CCDC85A: variants seen among roughly 807,000 people sequenced by gnomAD.
The protein encoded by CCDC85A is coiled-coil domain containing 85A.
In CCDC85A, 38 loss-of-function variants were observed where a neutral mutation model predicts 50.2. The observed-to-expected ratio is 0.76, with a 90% confidence interval of 0.58 to 0.99. CCDC85A has a LOEUF of 0.99. Ranked by LOEUF, CCDC85A falls within the 50% of genes least tolerant of loss-of-function variation. The pLI is 0.00. For synonymous variants in CCDC85A, 366 were observed against 301.4 expected, an observed-to-expected ratio of 1.21 and a Z score of -2.22; for missense variants, 820 against 742.0, an observed-to-expected ratio of 1.11 and a Z score of -1.22.
Position 56,375,855 on chromosome 2 carries a change from A to T in CCDC85A, c.1492A>T (p.Ser498Cys), listed in dbSNP as rs1197377144. 2 of 1,613,674 alleles carry T rather than the reference A, an allele frequency of 1.2e-6. No homozygotes were observed. The highest frequency in any genetic ancestry group is 1.3e-5 in the African/African-American group (1 of 74,920). The change falls in exon 5 of 6, where the codon AGT becomes TGT. Residue 498 changes from serine (S) to cysteine (C), a missense_variant. Transcript: ENST00000407595. Reference sequence around the variant, plus strand: ...GTCATCAGGGGCTGATGGGAGTAACAGTTCACCCAACTCTGCAGCTAGCTT... The same window carrying T: ...GTCATCAGGGGCTGATGGGAGTAACTGTTCACCCAACTCTGCAGCTAGCTT... ...RLSSGADGSN[S>C]SPNSAASFSG...
At chr2:56,190,806 C>T (rs180977929) in intron 1 of CCDC85A, among the ~76,000 whole-genome samples, 1 of 152,284 alleles carries the variant, frequency 6.6e-6, no homozygotes, top group African/African-American at 2.4e-5. Flanking sequence ...CTTGCAGCTT[C>T]CACTTTATCC....
At chr2:56,307,337 T>A (rs1044251926) in intron 2 of CCDC85A, among the ~76,000 whole-genome samples, 41 of 151,474 alleles carry the variant, frequency 2.7e-4, no homozygotes, top group South Asian at 8.3e-4. Flanking sequence ...ATGCTTTTTT[T>A]AAAAAAAAAC....
At chr2:56,300,200 C>G (rs1672137222) in intron 2 of CCDC85A, among the ~76,000 whole-genome samples, 1 of 152,076 alleles carries the variant, frequency 6.6e-6, no homozygotes, top group Non-Finnish European at 1.5e-5. Flanking sequence ...AGGGACACAG[C>G]CCTCCTATGG....
chr2:56,264,795 C>T (rs1293741396), intron 2 of CCDC85A, among the ~76,000 whole-genome samples: 1 of 152,188 alleles, frequency 6.6e-6, no homozygotes, highest in Non-Finnish European at 1.5e-5. Flanking sequence ...GCCTCACCTC[C>T]CAGCATGCTC....
intron 5 of CCDC85A, among the ~76,000 whole-genome samples, chr2:56,382,896 T>C (rs1355566438): frequency 2.0e-5 from 3 of 152,022 alleles, no homozygotes; most frequent in Non-Finnish European, 4.4e-5. Context: ...GATGTAATTG[T>C]ATTTAAGGGC....
chr2:56,295,509 T>C (rs760098817), intron 2 of CCDC85A, among the ~76,000 whole-genome samples: 3 of 152,160 alleles, frequency 2.0e-5, no homozygotes, highest in African/African-American at 7.2e-5. Context: ...GGAAAGAAGG[T>C]TGATCTCTTT....
intron 2 of CCDC85A, among the ~76,000 whole-genome samples, chr2:56,252,695 C>A (rs996136061): frequency 6.6e-6 from 1 of 152,108 alleles, no homozygotes; most frequent in African/African-American, 2.4e-5. Context: ...CTCCTCGGGC[C>A]CCCCCGCCCA....
intron 2 of CCDC85A, among the ~76,000 whole-genome samples, chr2:56,314,383 C>G (rs1672827612): frequency 6.6e-6 from 1 of 151,850 alleles, no homozygotes; most frequent in South Asian, 2.1e-4. Context: ...TTCTCTAGGC[C>G]TCAGTTTCCT....
chr2:56,242,459 G>C (rs1335652870), intron 2 of CCDC85A, among the ~76,000 whole-genome samples: 1 of 152,102 alleles, frequency 6.6e-6, no homozygotes, highest in Non-Finnish European at 1.5e-5. Flanking sequence ...GCAAGAAAGA[G>C]AGAAAGTTGA....
At chr2:56,312,622 A>C (rs1330379841) in intron 2 of CCDC85A, among the ~76,000 whole-genome samples, 2 of 152,168 alleles carry the variant, frequency 1.3e-5, no homozygotes, top group Non-Finnish European at 2.9e-5. Context: ...TATAATACCA[A>C]ATCCTTGGTC....
At chr2:56,185,058 C>T in intron 1 of CCDC85A, 158 bp downstream of exon 1, 2 of 889,870 alleles carry the variant, frequency 2.2e-6, no homozygotes, top group Non-Finnish European at 3.2e-6. Flanking sequence ...CCCTGTGTAA[C>T]TTTTCCAAAC....
chr2:56,279,052 G>T (rs1000185767), intron 2 of CCDC85A, among the ~76,000 whole-genome samples: 1 of 152,156 alleles, frequency 6.6e-6, no homozygotes, highest in Non-Finnish European at 1.5e-5. Flanking sequence ...ATTTGCCAGG[G>T]GGCCTTTGGA....
chr2:56,373,020 C>G (rs550375389), intron 4 of CCDC85A, among the ~76,000 whole-genome samples: 60 of 152,220 alleles, frequency 3.9e-4, no homozygotes, highest in African/African-American at 1.4e-3. Flanking sequence ...AAATTGAACC[C>G]TCATAATTCT....
chr2:56,216,839 A>G (rs150460124), intron 2 of CCDC85A, among the ~76,000 whole-genome samples: 242 of 147,866 alleles, frequency 1.6e-3, no homozygotes, highest in African/African-American at 5.5e-3. Context: ...TTCCTGTTTC[A>G]TTGTGTTTTT....
At chr2:56,302,089 C>G (rs1270235775) in intron 2 of CCDC85A, among the ~76,000 whole-genome samples, 1 of 151,820 alleles carries the variant, frequency 6.6e-6, no homozygotes, top group East Asian at 1.9e-4. Flanking sequence ...AATCCCATCT[C>G]TACTAAAAAT....
At position 56,251,880 on chromosome 2, in the gene CCDC85A, T is replaced by C. The variant is rs1669774577; in HGVS notation, c.1240+58440T>C. On this transcript the variant is annotated intron_variant, in intron 2 of 5. Transcript: ENST00000407595. ...AGCAGGAGAGAAGGTGGCTGATTTC[T>C]TTTTTTTCCTTTGTGTTTATTTTAT... 4.1e-5 allele frequency among the ~76,000 whole-genome samples: 6 copies of C among 145,158 alleles called. No individual in the cohort carries two copies. In the South Asian group the frequency reaches 1.3e-3, roughly 30 times the overall value.
intron 3 of CCDC85A, among the ~76,000 whole-genome samples, chr2:56,367,996 A>T (rs548903171): frequency 1.2e-5 from 1 of 82,450 alleles, no homozygotes; most frequent in East Asian, 6.3e-4. Flanking sequence ...TAAGTGTCAG[A>T]TCAAGAATTT....
At chr2:56,329,170 C>T (rs1673633279) in intron 2 of CCDC85A, among the ~76,000 whole-genome samples, 1 of 152,180 alleles carries the variant, frequency 6.6e-6, no homozygotes, top group Non-Finnish European at 1.5e-5. Flanking sequence ...ATCTCTCAGG[C>T]TCATTGCCAT....
At chr2:56,367,231 G>T (rs77671183) in intron 3 of CCDC85A, among the ~76,000 whole-genome samples, 1 of 152,110 alleles carries the variant, frequency 6.6e-6, no homozygotes, top group African/African-American at 2.4e-5. Flanking sequence ...TGCCCACAGC[G>T]TATTCTCTTT....
Sources: gnomAD v4.1 joint callset for allele counts (sites outside exome capture counted in the v4.1 genomes callset) on GRCh38, gnomAD v4.1.1 for gene constraint, MANE v1.5 for transcripts, NCBI Gene and HGNC (gene_info 2026-07-23, HGNC 2026-07-21) for gene names.